The following PRORP variants were observed in gnomAD, a reference collection of about 807,000 sequenced individuals.
The protein encoded by PRORP is mitochondrial ribonuclease P catalytic subunit.
PRORP carries 51 observed loss-of-function variants against 59.4 expected under a neutral mutation model. That is an observed-to-expected ratio of 0.86 (90% CI 0.69 to 1.08). PRORP has a LOEUF of 1.08. PRORP is among the 50% of genes least tolerant of loss of function. The pLI is 0.00. For synonymous variants in PRORP, 231 were observed against 245.6 expected, an observed-to-expected ratio of 0.94 and a Z score of 0.55; for missense variants, 646 against 690.3, an observed-to-expected ratio of 0.94 and a Z score of 0.72.
intron 5 of PRORP, among the ~76,000 whole-genome samples, chr14:35,255,888 T>C (rs117742248): frequency 0.015 from 2,234 of 152,274 alleles, 32 homozygotes; most frequent in Non-Finnish European, 0.022. Context: ...TATGGGAATT[T>C]TTTAGATCCT....
chr14:35,137,765 A>G (rs1329028018), intron 4 of PRORP, among the ~76,000 whole-genome samples: 1 of 145,292 alleles, frequency 6.9e-6, no homozygotes, highest in Non-Finnish European at 1.5e-5. Context: ...GATGTGGCAC[A>G]TGATAGAGAG....
chr14:35,124,593 A>G (rs781080596), intron 2 of PRORP, among the ~76,000 whole-genome samples: 26 of 151,406 alleles, frequency 1.7e-4, no homozygotes, highest in Non-Finnish European at 2.6e-4. Context: ...GTAACAACAT[A>G]CATAATTTGT....
intron 4 of PRORP, among the ~76,000 whole-genome samples, chr14:35,176,583 A>G (rs2048456847): frequency 6.6e-6 from 1 of 152,128 alleles, no homozygotes; most frequent in South Asian, 2.1e-4. Context: ...ATTTTTGTAC[A>G]TTGATTTTGT....
intron 4 of PRORP, chr14:35,158,752 A>G (rs1157932659): frequency 1.3e-5 from 5 of 376,592 alleles, no homozygotes; most frequent in African/African-American, 4.3e-5. Flanking sequence ...GGTATCAACT[A>G]TTGTGAGCAG....
intron 4 of PRORP, chr14:35,158,417 A>G: frequency 3.3e-6 from 1 of 306,298 alleles, no homozygotes. Context: ...ATTAAGTTCA[A>G]TGATATAGTA....
rs150818048 is a variant in PRORP, at chr14:35,270,451, A to G, written c.1475A>G (p.His492Arg). The change falls in exon 7 of 8, where the codon CAC becomes CGC. Residue 492 changes from histidine to arginine, a missense_variant. His to Arg is a conservative substitution (Grantham distance 29). Transcript: ENST00000534898. ...TATGCCACACTGCACTCCGGGAATC[A>G]CTGCAGGTTTATCACAAGAGACCTG... ...LLYATLHSGN[H>R]CRFITRDLMR... 2,805 of 1,614,012 alleles carry G rather than the reference A, an allele frequency of 1.7e-3. 43 individuals carry two copies. The African/African-American group carries it at 0.029, about 17-fold the overall frequency.
At chr14:35,131,490 C>T (rs746076956) in intron 4 of PRORP, among the ~76,000 whole-genome samples, 1 of 151,588 alleles carries the variant, frequency 6.6e-6, no homozygotes. Flanking sequence ...TGTATTTTAG[C>T]TCCATTGTAT....
intron 4 of PRORP, among the ~76,000 whole-genome samples, chr14:35,144,877 C>T (rs1427797590): frequency 1.4e-5 from 2 of 145,302 alleles, no homozygotes; most frequent in African/African-American, 4.9e-5. Context: ...AGTTTATTTC[C>T]CTCTATCTTA....
intron 5 of PRORP, among the ~76,000 whole-genome samples, chr14:35,217,398 G>T (rs1251086544): frequency 1.3e-5 from 2 of 151,676 alleles, no homozygotes; most frequent in African/African-American, 4.9e-5. Context: ...CTATTTGGGA[G>T]GCTAAGGCAG....
chr14:35,181,750 A>G (rs1393915860), intron 5 of PRORP, among the ~76,000 whole-genome samples: 4 of 144,092 alleles, frequency 2.8e-5, no homozygotes, highest in African/African-American at 1.0e-4. Flanking sequence ...GTGCCATTGC[A>G]CTCCAGCCTG....
At position 35,277,217 on chromosome 14, in the gene PRORP, G is replaced by A. The variant is rs1233162979; in HGVS notation, c.*3651G>A. On this transcript the variant is annotated 3_prime_UTR_variant, in exon 8 of 8. Coordinates refer to ENST00000534898, the MANE Select transcript of PRORP (RefSeq NM_014672.4). Reference sequence around the variant, plus strand: ...ATTTTTGCATTTTTAGTAGAGACGGGTTTTCACCATGTTGCCCCGGTTGCT... The same window carrying A: ...ATTTTTGCATTTTTAGTAGAGACGGATTTTCACCATGTTGCCCCGGTTGCT... The A allele has an allele frequency of 1.3e-5, 2 of 152,160 alleles. No individual in the cohort carries two copies. Among genetic ancestry groups the A allele is most frequent in the Non-Finnish European group, 1.5e-5 (1 of 68,074 alleles). 9.4% of individuals were successfully genotyped at this position (152,160 alleles called of 1,614,324 possible).
At chr14:35,222,429 A>G (rs952786673) in intron 5 of PRORP, 1 of 152,236 alleles carries the variant, frequency 6.6e-6, no homozygotes, top group African/African-American at 2.4e-5. Context: ...AGAAGACTCA[A>G]CAATAACAAT....
chr14:35,151,414 C>CT (rs1289850991), intron 4 of PRORP, among the ~76,000 whole-genome samples: 1 of 152,080 alleles, frequency 6.6e-6, no homozygotes, highest in Non-Finnish European at 1.5e-5. Flanking sequence ...AATAAGGCCT[C>CT]TGATCACCAC....
In PRORP at chr14:35,123,148, C is replaced by T. The variant is rs565617288; in HGVS notation, c.-98C>T. ...ACAAACCTTTTAAAAAGTTCCACTT[C>T]GACTCTGCACCGCCGACCCCCAATC... is the stretch of plus-strand genomic sequence containing the variant. On this transcript the variant is annotated 5_prime_UTR_variant, in exon 2 of 8. Transcript: ENST00000534898. 2 of 1,247,624 alleles carry T rather than the reference C, an allele frequency of 1.6e-6. No individual in the cohort carries two copies. The highest frequency in any genetic ancestry group is 2.9e-5 in the South Asian group (2 of 69,356). 77.3% of individuals were successfully genotyped at this position (1,247,624 alleles called of 1,614,324 possible). A position where few individuals can be genotyped will look rare whatever the true frequency, so the allele number is the denominator to read the frequency against.
At chr14:35,251,124 G>A (rs2050602128) in intron 5 of PRORP, among the ~76,000 whole-genome samples, 1 of 152,102 alleles carries the variant, frequency 6.6e-6, no homozygotes, top group Non-Finnish European at 1.5e-5. Flanking sequence ...TCGACGATTG[G>A]TTTTCCATTC....
At chr14:35,221,946 C>T (rs1484017680) in intron 5 of PRORP, among the ~76,000 whole-genome samples, 4 of 152,122 alleles carry the variant, frequency 2.6e-5, no homozygotes, top group Admixed American at 2.0e-4. Flanking sequence ...ATGAATTCAT[C>T]GGAAGTAACT....
chr14:35,176,182 C>T (rs1374744359), intron 4 of PRORP, among the ~76,000 whole-genome samples: 5 of 152,170 alleles, frequency 3.3e-5, no homozygotes, highest in Non-Finnish European at 7.3e-5. Context: ...CTTGATGCCT[C>T]CAGCTTTGTT....
chr14:35,252,841 A>G lies in PRORP; in HGVS notation c.1276-13886A>G, dbSNP rs192673649. On this transcript the variant is annotated intron_variant, in intron 5 of 7. Coordinates refer to ENST00000534898, the MANE Select transcript of PRORP (RefSeq NM_014672.4). ...ACAAACCACACAATCAGACTTTCCTATGTTTAGACCTACCCTTATCCTTCC... is the reference window on the plus strand; with the variant it reads ...ACAAACCACACAATCAGACTTTCCTGTGTTTAGACCTACCCTTATCCTTCC... Among the ~76,000 whole-genome samples the G allele has an allele frequency of 5.0e-4, 76 of 152,236 alleles. 1 individual carries two copies. The highest frequency in any genetic ancestry group is 3.5e-3 in the Admixed American group (54 of 15,298).
chr14:35,270,310 C>G (rs2051152473), intron 6 of PRORP, 91 bp from the exon 7 acceptor site: 2 of 1,275,484 alleles, frequency 1.6e-6, no homozygotes, highest in Middle Eastern at 2.8e-4. Flanking sequence ...AGAGGCACCT[C>G]CAAGGAAAGT....
Sources: gnomAD v4.1 joint callset for allele counts (sites outside exome capture counted in the v4.1 genomes callset) on GRCh38, gnomAD v4.1.1 for gene constraint, MANE v1.5 for transcripts, NCBI Gene and HGNC (gene_info 2026-07-23, HGNC 2026-07-21) for gene names.